Variants in PDE1A observed in about 807,000 individuals in gnomAD.
PDE1A encodes the protein dual specificity calcium/calmodulin-dependent 3',5'-cyclic nucleotide phosphodiesterase 1A.
PDE1A carries 35 observed loss-of-function variants against 61.7 expected under a neutral mutation model. The ratio of observed to expected loss-of-function variants is 0.57; its 90% CI spans 0.43 to 0.75. The LOEUF is 0.75. PDE1A is among the 30% of genes least tolerant of loss of function. PDE1A has a pLI of 0.00. For synonymous variants in PDE1A, 232 were observed against 213.2 expected, an observed-to-expected ratio of 1.09 and a Z score of -0.77; for missense variants, 597 against 630.6, an observed-to-expected ratio of 0.95 and a Z score of 0.57.
chr2:182,441,922 T>A (rs1007204241), intron 2 of PDE1A, among the ~76,000 whole-genome samples: 1 of 151,912 alleles, frequency 6.6e-6, no homozygotes, highest in African/African-American at 2.4e-5. Context: ...AATAAATGAA[T>A]GAATACATTA....
the PDE1A span, among the ~76,000 whole-genome samples, chr2:182,550,925 C>T: frequency 6.6e-6 from 1 of 151,832 alleles, no homozygotes; most frequent in Non-Finnish European, 1.5e-5. Flanking sequence ...TTCCTTTAAC[C>T]AGAAACAAAG....
chr2:182,147,112 A>G lies in PDE1A; in HGVS notation c.1557T>C (p.Asn519=), dbSNP rs151257076. 19 of 1,608,924 alleles carry G rather than the reference A, an allele frequency of 1.2e-5. No individual in the cohort carries two copies. The African/African-American group carries it at 2.5e-4, about 22-fold the overall frequency. ...GTGTCTCATCATGTTTTTCTTCAGC[A>G]TTTACTAAGTCTTCTGAGTTCTTAT... is the stretch of plus-strand genomic sequence containing the variant. The change falls in exon 14 of 14, where the codon AAT becomes AAC. Residue 519 remains asparagine, a synonymous_variant. Transcript: ENST00000409365.
intron 10 of PDE1A, among the ~76,000 whole-genome samples, chr2:182,190,023 G>A (rs990802693): frequency 2.6e-4 from 39 of 152,110 alleles, no homozygotes; most frequent in Admixed American, 2.0e-3. Flanking sequence ...AGGACTCCAC[G>A]GTTTCCTTTC....
the PDE1A span, among the ~76,000 whole-genome samples, chr2:182,658,165 A>G: frequency 6.6e-6 from 1 of 152,124 alleles, no homozygotes; most frequent in Non-Finnish European, 1.5e-5. Context: ...AAAATATCAG[A>G]AAAATATTCT....
At chr2:182,546,619 C>T in the PDE1A span, among the ~76,000 whole-genome samples, 2 of 152,180 alleles carry the variant, frequency 1.3e-5, no homozygotes, top group Non-Finnish European at 2.9e-5. Context: ...CATCCAAGAA[C>T]AAGAGTTACA....
chr2:182,707,250 A>C, the PDE1A span, among the ~76,000 whole-genome samples: 1 of 152,224 alleles, frequency 6.6e-6, no homozygotes, highest in African/African-American at 2.4e-5. Flanking sequence ...AAAGGCAAAA[A>C]ATTTAAAAGA....
chr2:182,615,538 A>T, the PDE1A span, among the ~76,000 whole-genome samples: 1 of 152,242 alleles, frequency 6.6e-6, no homozygotes, highest in East Asian at 1.9e-4. Flanking sequence ...AAATATAATT[A>T]TCTCGACATG....
At position 182,357,828 on chromosome 2, in the gene PDE1A, G is replaced by C. The variant is rs932617847; in HGVS notation, c.53+68750C>G. On this transcript the variant is annotated intron_variant, in intron 1 of 13. Coordinates refer to ENST00000351439, the Ensembl canonical transcript of PDE1A. ...AAATTGCTCCATAATGCCTTTCAAA[G>C]GCAGCTCCACTGAGTTAAGGCACAT... 8.5e-5 allele frequency among the ~76,000 whole-genome samples: 13 copies of C among 152,178 alleles called. 1 individual carries two copies. Among genetic ancestry groups the C allele is most frequent in the Admixed American group, 8.5e-4 (13 of 15,276 alleles).
downstream of PDE1A, among the ~76,000 whole-genome samples, chr2:182,143,703 C>T (rs1370182357): frequency 6.6e-6 from 1 of 151,950 alleles, no homozygotes; most frequent in Non-Finnish European, 1.5e-5. Context: ...TTTTAGTAGA[C>T]ACGGGGTTTC....
chr2:182,691,253 C>T, the PDE1A span, among the ~76,000 whole-genome samples: 8 of 152,078 alleles, frequency 5.3e-5, no homozygotes, highest in South Asian at 2.1e-4. Context: ...CAAAGCTGGA[C>T]GCATCACACT....
intron 2 of PDE1A, among the ~76,000 whole-genome samples, chr2:182,494,438 CA>C (rs35321986): frequency 0.36 from 54,008 of 152,006 alleles, 9,789 homozygotes; most frequent in Middle Eastern, 0.41. Flanking sequence ...TCCCTTAGCC[CA>C]GATAATACAA....
At chr2:182,245,352 T>C (rs1316675494) in intron 2 of PDE1A, among the ~76,000 whole-genome samples, 1 of 152,218 alleles carries the variant, frequency 6.6e-6, no homozygotes, top group Non-Finnish European at 1.5e-5. Context: ...ACATAATTAT[T>C]AATTAACATC....
chr2:182,302,528 C>A (rs1279410447), intron 1 of PDE1A, among the ~76,000 whole-genome samples: 2 of 152,214 alleles, frequency 1.3e-5, no homozygotes, highest in Non-Finnish European at 2.9e-5. Flanking sequence ...AGCCTTTCAG[C>A]AAGTTGTAAT....
chr2:182,413,416 A>G (rs1035328947), intron 1 of PDE1A, among the ~76,000 whole-genome samples: 1 of 152,200 alleles, frequency 6.6e-6, no homozygotes, highest in Admixed American at 6.5e-5. Context: ...CAAAGAAAAG[A>G]GTAGAGAAAG....
chr2:182,567,423 T>C, the PDE1A span, among the ~76,000 whole-genome samples: 2 of 152,252 alleles, frequency 1.3e-5, no homozygotes, highest in Non-Finnish European at 2.9e-5. Flanking sequence ...ATGATATACC[T>C]GGCTTTAAAA....
At chr2:182,532,944 T>TAAAAA in the PDE1A span, among the ~76,000 whole-genome samples, 1 of 2,280 alleles carries the variant, frequency 4.4e-4, no homozygotes, top group Non-Finnish European at 8.9e-4. Flanking sequence ...AGACTCCGTC[T>TAAAAA]CAAAAAAAAA....
At chr2:182,650,077 ACT>A in the PDE1A span, among the ~76,000 whole-genome samples, 16 of 151,842 alleles carry the variant, frequency 1.1e-4, no homozygotes, top group African/African-American at 3.6e-4. Flanking sequence ...ATAGAGCGAG[ACT>A]CTCTCTCCAA....
upstream of PDE1A, among the ~76,000 whole-genome samples, chr2:182,429,193 A>G (rs897821137): frequency 8.5e-5 from 13 of 152,252 alleles, no homozygotes; most frequent in African/African-American, 3.1e-4. Flanking sequence ...CTGGGCACAA[A>G]GAAAAATATA....
Position 182,246,394 on chromosome 2 carries a change from CT to C in PDE1A, c.168-6103del, listed in dbSNP as rs772600912. Among the ~76,000 whole-genome samples the C allele has an allele frequency of 1.8e-4, 19 of 105,384 alleles. 1 individual carries two copies. The highest frequency in any genetic ancestry group is 3.3e-4 in the Admixed American group (3 of 8,984). The allele number at this position is 105,384 out of a possible 152,430, so 69.1% of individuals were successfully genotyped here. A position where few individuals can be genotyped will look rare whatever the true frequency, so the allele number is the denominator to read the frequency against. On this transcript the variant is annotated intron_variant, in intron 2 of 13. Transcript: ENST00000351439. The stretch of plus-strand genomic sequence containing the variant: ...TTTTTATTCTACTATAGTCTTTTTT[CT>C]TTTTTCTTTCTTTTTTTTTTTTTTT...
Sources: gnomAD v4.1 joint callset for allele counts (sites outside exome capture counted in the v4.1 genomes callset) on GRCh38, gnomAD v4.1.1 for gene constraint, MANE v1.5 for transcripts, NCBI Gene and HGNC (gene_info 2026-07-23, HGNC 2026-07-21) for gene names.